Variants in STK31 observed in about 807,000 individuals in gnomAD.
STK31 encodes the protein serine/threonine-protein kinase 31.
Under a neutral mutation model 129.7 loss-of-function variants are expected in STK31, and 89 were observed. That is an observed-to-expected ratio of 0.69 (90% confidence interval 0.58 to 0.82). The LOEUF (loss-of-function observed/expected upper bound fraction) is 0.82. Among genes scored for constraint, STK31 ranks in the 40% least tolerant of loss-of-function variants. The pLI, the probability that STK31 is intolerant of heterozygous loss-of-function variation, is 0.00. For synonymous variants in STK31, 448 were observed against 395.3 expected, an observed-to-expected ratio of 1.13 and a Z score of -1.58; for missense variants, 1,187 against 1,176.4, an observed-to-expected ratio of 1.01 and a Z score of -0.13.
intron 6 of STK31, among the ~76,000 whole-genome samples, chr7:23,732,872 G>A (rs1787513793): frequency 6.6e-6 from 1 of 152,126 alleles, no homozygotes. Flanking sequence ...GATAATAAGA[G>A]TTGAAAGCAA....
At chr7:23,785,652 T>A in intron 18 of STK31, 49 bp downstream of exon 18, 3 of 1,570,888 alleles carry the variant, frequency 1.9e-6, no homozygotes, top group Non-Finnish European at 2.6e-6. Flanking sequence ...GCATAAAGGA[T>A]AGTGGTGCTG....
Position 23,729,239 on chromosome 7 carries a change from A to G in STK31, c.473A>G (p.Gln158Arg), listed in dbSNP as rs773902345. 5 of 1,596,186 alleles carry G rather than the reference A, an allele frequency of 3.1e-6. No homozygotes were observed. Among genetic ancestry groups the G allele is most frequent in the South Asian group, 1.1e-5 (1 of 86,974 alleles). ...ATTCCTTCTGATCAAGAAGTTACCCAGTTTGATCAGGCAAGTCACGTATTT... is the reference window on the plus strand; with the variant it reads ...ATTCCTTCTGATCAAGAAGTTACCCGGTTTGATCAGGCAAGTCACGTATTT... ...LHIPSDQEVTQFDQGTTFLGS... is the reference protein window; with the variant it reads ...LHIPSDQEVTRFDQGTTFLGS... Residue 158 changes from glutamine to arginine, a missense_variant, in exon 6 of 24, where the codon CAG (glutamine) becomes CGG (arginine). This residue lies in a region of STK31 where 103 missense variants were observed against 110.4 expected (regional missense o/e 0.93). Transcript: ENST00000355870.
At chr7:23,812,915 G>T (rs566019200) in intron 22 of STK31, among the ~76,000 whole-genome samples, 25 of 152,028 alleles carry the variant, frequency 1.6e-4, no homozygotes, top group African/African-American at 5.3e-4. Flanking sequence ...ATGTGTATAT[G>T]TGTACTCACA....
chr7:23,766,930 G>T (rs915780864), intron 11 of STK31, among the ~76,000 whole-genome samples: 2 of 152,086 alleles, frequency 1.3e-5, no homozygotes, highest in African/African-American at 4.8e-5. Flanking sequence ...TATCTTGTTG[G>T]TGTCTTTTTG....
chr7:23,801,905 T>C (rs1328189390), intron 22 of STK31, among the ~76,000 whole-genome samples: 1 of 152,218 alleles, frequency 6.6e-6, no homozygotes, highest in Non-Finnish European at 1.5e-5. Context: ...GTCTATCCGT[T>C]TACCAACATC....
At chr7:23,744,294 CT>C (rs76963559) in intron 8 of STK31, among the ~76,000 whole-genome samples, 53,432 of 139,588 alleles carry the variant, frequency 0.38, 9,918 homozygotes, top group East Asian at 0.44. Context: ...TCTAGGATTT[CT>C]TTTTTTTTTT....
At chr7:23,772,333 C>G (rs141473304) in intron 15 of STK31, 55 bp downstream of exon 15, 2 of 1,541,686 alleles carry the variant, frequency 1.3e-6, no homozygotes, top group South Asian at 1.3e-5. Flanking sequence ...TTTACTTGGT[C>G]TCTGCTTCAT....
At chr7:23,751,025 C>G (rs991543312) in intron 8 of STK31, among the ~76,000 whole-genome samples, 6 of 152,192 alleles carry the variant, frequency 3.9e-5, no homozygotes, top group African/African-American at 1.2e-4. Flanking sequence ...ATTCTTCTAT[C>G]CCTACCACAT....
intron 10 of STK31, 22 bp from the exon 11 acceptor site, chr7:23,762,779 T>G: frequency 1.2e-6 from 2 of 1,606,956 alleles, no homozygotes; most frequent in South Asian, 2.3e-5. Flanking sequence ...TAATGATGGT[T>G]ATTCTTTTTT....
At chr7:23,766,829 A>G (rs957828569) in intron 11 of STK31, among the ~76,000 whole-genome samples, 2 of 152,066 alleles carry the variant, frequency 1.3e-5, no homozygotes, top group Non-Finnish European at 2.9e-5. Context: ...TATTTCTGTT[A>G]TCTACATATT....
chr7:23,782,550 T>C (rs879026949), intron 16 of STK31, among the ~76,000 whole-genome samples: 1 of 152,020 alleles, frequency 6.6e-6, no homozygotes, highest in Non-Finnish European at 1.5e-5. Context: ...AGTGTCATGC[T>C]TTCTTTAGCA....
At chr7:23,792,674 A>C (rs1238396845) in intron 22 of STK31, among the ~76,000 whole-genome samples, 3 of 152,216 alleles carry the variant, frequency 2.0e-5, no homozygotes, top group Admixed American at 6.5e-5. Context: ...GAAAAAGAAC[A>C]AAATTGAAGG....
At chr7:23,735,508 G>A (rs1481970993) in intron 6 of STK31, 30 bp from the exon 7 acceptor site, 7 of 1,526,512 alleles carry the variant, frequency 4.6e-6, no homozygotes, top group Non-Finnish European at 6.2e-6. Flanking sequence ...ACATGTTGGT[G>A]TAGCTGGTTT....
At chr7:23,712,028 C>A in intron 1 of STK31, 71 bp from the exon 2 acceptor site, 1 of 1,255,118 alleles carries the variant, frequency 8.0e-7, no homozygotes, top group Non-Finnish European at 1.1e-6. Context: ...AAGAATTGAA[C>A]ATGATGTAGT....
At chr7:23,783,308 C>G (rs1791048638) in intron 16 of STK31, among the ~76,000 whole-genome samples, 1 of 152,176 alleles carries the variant, frequency 6.6e-6, no homozygotes, top group Non-Finnish European at 1.5e-5. Context: ...CATTTTCAGT[C>G]TCGTCTGCCT....
intron 22 of STK31, among the ~76,000 whole-genome samples, chr7:23,794,303 G>T (rs1451430251): frequency 6.6e-6 from 1 of 152,180 alleles, no homozygotes; most frequent in Non-Finnish European, 1.5e-5. Context: ...TTTCCCTTTT[G>T]CTTGGCACTT....
chr7:23,807,662 A>C (rs975611853), intron 22 of STK31, among the ~76,000 whole-genome samples: 8 of 150,944 alleles, frequency 5.3e-5, no homozygotes, highest in African/African-American at 1.9e-4. Flanking sequence ...TTTTTCTAGG[A>C]CTCTGATTAT....
At chr7:23,830,230 T>C (rs1337414051) in intron 23 of STK31, among the ~76,000 whole-genome samples, 1 of 152,168 alleles carries the variant, frequency 6.6e-6, no homozygotes, top group Non-Finnish European at 1.5e-5. Flanking sequence ...ATTGATTTTG[T>C]TTATCTTTTA....
Position 23,832,234 on chromosome 7 carries a change from G to T in STK31, c.2928G>T (p.Lys976Asn). The T allele has an allele frequency of 6.2e-7, 1 of 1,614,050 alleles. No homozygotes were observed. Among genetic ancestry groups the T allele is most frequent in the Non-Finnish European group, 8.5e-7 (1 of 1,179,978 alleles). The change falls in exon 24 of 24, where the codon AAG (lysine) becomes AAT (asparagine). Residue 976 changes from lysine (K) to asparagine (N), a missense_variant. By Grantham distance (94) the Lys-to-Asn change is moderately conservative. Transcript: ENST00000355870. ...ATGCTGAATGTTTCTTGATGCCAAA[G>T]GAGCAATCAGTTCCAAACCCAGAAA... The part of the protein sequence containing the change: ...VLNAECFLMP[K>N]EQSVPNPEKD...
Sources: gnomAD v4.1 joint callset for allele counts (sites outside exome capture counted in the v4.1 genomes callset) on GRCh38, gnomAD v4.1.1 for gene constraint, gnomAD v4.1.1 regional missense constraint, MANE v1.5 for transcripts, NCBI Gene and HGNC (gene_info 2026-07-23, HGNC 2026-07-21) for gene names.